VAV1: variants seen among roughly 807,000 people sequenced by gnomAD.
VAV1 encodes proto-oncogene vav.
VAV1 carries 33 observed loss-of-function variants against 128.1 expected under a neutral mutation model. The ratio of observed to expected loss-of-function variants is 0.26; its 90% CI spans 0.20 to 0.34. VAV1 has a LOEUF of 0.34. Ranked by LOEUF, VAV1 falls within the 10% of genes least tolerant of loss-of-function variation. The pLI is 1.00. For missense variants in VAV1, 715 were observed against 1,093.7 expected, an observed-to-expected ratio of 0.65 and a Z score of 4.88; for synonymous variants, 394 against 409.8, an observed-to-expected ratio of 0.96 and a Z score of 0.47.
At chr19:6,833,085 C>A (rs2144792830) in intron 15 of VAV1, 99 bp from the exon 16 acceptor site, 21 of 1,054,932 alleles carry the variant, frequency 2.0e-5, no homozygotes, top group East Asian at 8.0e-5. Flanking sequence ...AGTGGACACG[C>A]AAAACGTGGT....
At chr19:6,841,323 A>C (rs1972372688) in intron 21 of VAV1, among the ~76,000 whole-genome samples, 1 of 152,130 alleles carries the variant, frequency 6.6e-6, no homozygotes, top group Non-Finnish European at 1.5e-5. Context: ...GCGTATTGTG[A>C]ATAAAGCTGC....
rs1053449835 is a variant in VAV1, at chr19:6,857,192, T to C, written c.*85T>C. 55 of 1,579,962 alleles carry C rather than the reference T, an allele frequency of 3.5e-5. No homozygotes were observed. The highest frequency in any genetic ancestry group is 4.5e-5 in the Non-Finnish European group (52 of 1,160,108). ...CAGCGGAGCCAGGGGCTGTGACAGC[T>C]CCCGGCGGGTGGAGACTTTGGGATG... On this transcript the variant is annotated 3_prime_UTR_variant, in exon 27 of 27. Coordinates refer to ENST00000602142, the MANE Select transcript of VAV1 (RefSeq NM_005428.4).
chr19:6,838,111 C>CTATCTATT (rs1213798606), intron 21 of VAV1, among the ~76,000 whole-genome samples: 1 of 151,114 alleles, frequency 6.6e-6, no homozygotes, highest in Non-Finnish European at 1.5e-5. Flanking sequence ...ATCTATCTAT[C>CTATCTATT]TATCTATCTA....
chr19:6,850,225 G>GTTTTTTTTTTTTT (rs760967154), intron 23 of VAV1, among the ~76,000 whole-genome samples: 38 of 49,046 alleles, frequency 7.7e-4, no homozygotes, highest in Non-Finnish European at 9.2e-4. Context: ...TTGTTTCTTT[G>GTTTTTTTTTTTTT]TTTTTTTTTT....
At chr19:6,850,371 T>C (rs925049490) in intron 23 of VAV1, among the ~76,000 whole-genome samples, 2 of 149,998 alleles carry the variant, frequency 1.3e-5, no homozygotes, top group Non-Finnish European at 3.0e-5. Context: ...GTTGTCTATA[T>C]TGGTGGAAGG....
At chr19:6,805,349 C>T (rs952330522) in intron 1 of VAV1, among the ~76,000 whole-genome samples, 9 of 152,008 alleles carry the variant, frequency 5.9e-5, no homozygotes, top group South Asian at 2.1e-4. Context: ...CGCTTGAACC[C>T]GGGAGGTGGA....
intron 1 of VAV1, among the ~76,000 whole-genome samples, chr19:6,815,510 C>T (rs911077248): frequency 1.3e-5 from 2 of 152,134 alleles, no homozygotes; most frequent in Admixed American, 6.6e-5. Flanking sequence ...TCTTCTTAAA[C>T]ACAAAAGAGT....
chr19:6,802,003 G>T (rs970169615), intron 1 of VAV1, among the ~76,000 whole-genome samples: 1 of 145,722 alleles, frequency 6.9e-6, no homozygotes, highest in South Asian at 2.3e-4. Flanking sequence ...ACTGAGGGGG[G>T]TTGCCCCCAG....
At chr19:6,832,385 T>C (rs181014713) in intron 15 of VAV1, among the ~76,000 whole-genome samples, 185 bp downstream of exon 15, 11 of 152,254 alleles carry the variant, frequency 7.2e-5, no homozygotes, top group Non-Finnish European at 1.2e-4. Context: ...AGGGGTTGTG[T>C]GCAAGCTTCA....
intron 1 of VAV1, among the ~76,000 whole-genome samples, chr19:6,817,966 A>G (rs113168636): frequency 0.05 from 7,638 of 152,054 alleles, 490 homozygotes; most frequent in African/African-American, 0.15. Context: ...GATTACAGGC[A>G]TGAGCCACCA....
At chr19:6,832,030 G>T (rs1236507229) in intron 14 of VAV1, 61 bp from the exon 15 acceptor site, 1 of 1,466,740 alleles carries the variant, frequency 6.8e-7, no homozygotes, top group South Asian at 1.2e-5. Context: ...GGGGTGGGTG[G>T]GTGTGTGCTC....
At chr19:6,847,264 C>T (rs923234738) in intron 22 of VAV1, among the ~76,000 whole-genome samples, 1 of 152,134 alleles carries the variant, frequency 6.6e-6, no homozygotes, top group Admixed American at 6.6e-5. Context: ...CCGTTTAGCT[C>T]CAAAACATTC....
chr19:6,823,656 G>A (rs1395874719), intron 6 of VAV1, among the ~76,000 whole-genome samples: 1 of 151,660 alleles, frequency 6.6e-6, no homozygotes, highest in Non-Finnish European at 1.5e-5. Flanking sequence ...CTCTCACTCT[G>A]TCTCTTTTTC....
chr19:6,797,368 G>C (rs557114384), intron 1 of VAV1, among the ~76,000 whole-genome samples: 2 of 152,078 alleles, frequency 1.3e-5, no homozygotes, highest in South Asian at 4.2e-4. Flanking sequence ...GAATTACAAA[G>C]AATACAAATT....
At position 6,820,899 on chromosome 19, in the gene VAV1, C is replaced by A; in HGVS notation, c.321+81C>A. ...CTACACTGGGCAAGCTAAGGACTGT[C>A]AGGGGACAGGCAGACAAGCCAGACC... On this transcript the variant is annotated intron_variant, in intron 2 of 26. Coordinates refer to ENST00000602142, the MANE Select transcript of VAV1 (RefSeq NM_005428.4). This position sits in a 1 kb window ranked among gnomAD's most constrained non-coding sequence, Gnocchi z 4.4. The A allele has an allele frequency of 7.4e-7, 1 of 1,355,218 alleles. No individual in the cohort carries two copies. The highest frequency in any genetic ancestry group is 1.1e-6 in the Non-Finnish European group (1 of 950,412). 83.9% of individuals were successfully genotyped at this position (1,355,218 alleles called of 1,614,324 possible).
chr19:6,851,169 T>TAG (rs905008722), intron 24 of VAV1, among the ~76,000 whole-genome samples: 1 of 151,580 alleles, frequency 6.6e-6, no homozygotes, highest in Non-Finnish European at 1.5e-5. Context: ...TATAGATAGA[T>TAG]AGAGAGAGAG....
Position 6,820,681 on chromosome 19 carries a change from C to T in VAV1, c.205-21C>T. 6.2e-7 allele frequency: 1 copy of T among 1,611,302 alleles called. No homozygotes were observed. The highest frequency in any genetic ancestry group is 8.5e-7 in the Non-Finnish European group (1 of 1,177,476). On this transcript the variant is annotated intron_variant, in intron 1 of 26. Transcript: ENST00000602142. This position sits in a 1 kb window ranked among gnomAD's most constrained non-coding sequence, Gnocchi z 4.4. ...CTGCCCTTTCGTACTGCCCCACCCT[C>T]ATTTCTCTGTCTCCTCACAGTTCCT...
chr19:6,773,151 A>G (rs1480387526), intron 1 of VAV1, 140 bp downstream of exon 1: 13 of 1,165,872 alleles, frequency 1.1e-5, no homozygotes, highest in Non-Finnish European at 1.5e-5. Flanking sequence ...GGGCTGGCCC[A>G]GGGGGTGGTC....
intron 16 of VAV1, 110 bp downstream of exon 16, chr19:6,833,395 C>T (rs1972137017): frequency 2.9e-6 from 4 of 1,370,208 alleles, no homozygotes; most frequent in Non-Finnish European, 4.0e-6. Context: ...GGAGTCCCTA[C>T]TTTGATCTTC....
Sources: gnomAD v4.1 joint callset for allele counts (sites outside exome capture counted in the v4.1 genomes callset) on GRCh38, gnomAD v4.1.1 for gene constraint, Gnocchi (gnomAD v3.1) non-coding constraint, MANE v1.5 for transcripts, NCBI Gene and HGNC (gene_info 2026-07-23, HGNC 2026-07-21) for gene names.